Variants in SLC13A1 observed in about 807,000 individuals in gnomAD.
SLC13A1 encodes the protein solute carrier family 13 member 1, also known as Na(+)/sulfate cotransporter.
In SLC13A1, 65 loss-of-function variants were observed where a neutral mutation model predicts 70.0. The ratio of observed to expected loss-of-function variants is 0.93; its 90% CI spans 0.76 to 1.14. SLC13A1 has a LOEUF of 1.14. SLC13A1 is among the 50% of genes most tolerant of loss of function. SLC13A1 has a pLI of 0.00. For synonymous variants in SLC13A1, 275 were observed against 250.5 expected (o/e 1.10, Z -0.92); for missense variants, 726 against 717.8 (o/e 1.01, Z -0.13).
At chr7:123,127,838 ATTTTTTTTTTTT>A (rs201644707) in intron 10 of SLC13A1, among the ~76,000 whole-genome samples, 31,205 of 107,704 alleles carry the variant, frequency 0.29, 4,230 homozygotes, top group East Asian at 0.44. Context: ...CCAAAATACA[ATTTTTTTTTTTT>A]TTTTTTTTTT....
At chr7:123,156,278 A>G (rs2116471428) in intron 6 of SLC13A1, among the ~76,000 whole-genome samples, 1 of 152,248 alleles carries the variant, frequency 6.6e-6, no homozygotes, top group Non-Finnish European at 1.5e-5. Flanking sequence ...ATTATATTTG[A>G]AAGTCTATTT....
chr7:123,173,113 A>T (rs938116151), intron 2 of SLC13A1, among the ~76,000 whole-genome samples: 14 of 152,196 alleles, frequency 9.2e-5, no homozygotes, highest in Non-Finnish European at 2.1e-4. Context: ...AAAAAAATCA[A>T]ACAATAGCTA....
At chr7:123,186,979 GA>G (rs34081004) in intron 1 of SLC13A1, among the ~76,000 whole-genome samples, 30 of 143,210 alleles carry the variant, frequency 2.1e-4, no homozygotes, top group South Asian at 8.8e-4. Context: ...GAAAAGAGGG[GA>G]AAAAAAAAAG....
At chr7:123,178,965 T>C (rs563174962) in intron 2 of SLC13A1, among the ~76,000 whole-genome samples, 1 of 152,180 alleles carries the variant, frequency 6.6e-6, no homozygotes, top group South Asian at 2.1e-4. Context: ...ACTTACTATG[T>C]AATGAAATTT....
Position 123,169,186 on chromosome 7 carries a change from T to G in SLC13A1, c.515A>C (p.Tyr172Ser). Residue 172 changes from tyrosine (Y) to serine (S), a missense_variant, in exon 4 of 15, where the codon TAC (tyrosine) becomes TCC (serine). Transcript: ENST00000194130. ...EAEVEATQMT[Y>S]FNGSTNHGLE... ...TCCGTGGTTGGTTGATCCGTTGAAG[T>G]AAGTCATCTGAGTGGCCTCGACCTC... 1 of 1,614,068 alleles carries G rather than the reference T, an allele frequency of 6.2e-7. No individual in the cohort carries two copies. Among genetic ancestry groups the G allele is most frequent in the Non-Finnish European group, 8.5e-7 (1 of 1,179,974 alleles).
At chr7:123,146,294 G>A (rs1416390241) in intron 7 of SLC13A1, among the ~76,000 whole-genome samples, 1 of 152,124 alleles carries the variant, frequency 6.6e-6, no homozygotes, top group Non-Finnish European at 1.5e-5. Flanking sequence ...GGAGGCCAAG[G>A]CAGGTGGATC....
intron 6 of SLC13A1, among the ~76,000 whole-genome samples, chr7:123,164,580 C>G (rs560695062): frequency 6.6e-6 from 1 of 151,628 alleles, no homozygotes. Context: ...AAAGCTAAGC[C>G]TTTTATTTTA....
chr7:123,199,729 G>C (rs1796292126), intron 1 of SLC13A1, 119 bp downstream of exon 1: 1 of 682,316 alleles, frequency 1.5e-6, no homozygotes, highest in Non-Finnish European at 2.5e-6. Context: ...CCTGACTTTA[G>C]GTATGAAGGG....
At chr7:123,119,776 T>G (rs1585283191) in intron 12 of SLC13A1, among the ~76,000 whole-genome samples, 1 of 127,140 alleles carries the variant, frequency 7.9e-6, no homozygotes, top group South Asian at 2.6e-4. Context: ...TCTTACACCA[T>G]CTACCAAACA....
At position 123,147,150 on chromosome 7, in the gene SLC13A1, G is replaced by C. The variant is rs367662587; in HGVS notation, c.812+9C>G. 6.9e-5 allele frequency: 112 copies of C among 1,611,900 alleles called. No individual in the cohort carries two copies. Among genetic ancestry groups the C allele is most frequent in the Non-Finnish European group, 9.1e-5 (107 of 1,179,188 alleles). ...TATGTTAAATCACCAATCCAATAAG[G>C]TTACTTACGTATTGAAATACTCTGC... On this transcript the variant is annotated intron_variant, in intron 7 of 14. Transcript: ENST00000194130.
intron 2 of SLC13A1, among the ~76,000 whole-genome samples, chr7:123,175,783 A>G (rs28609557): frequency 0.05 from 7,634 of 152,292 alleles, 622 homozygotes; most frequent in African/African-American, 0.17. Context: ...AGAATTAAAT[A>G]AAAGAATAAA....
chr7:123,193,277 G>A (rs1234985743), intron 1 of SLC13A1, among the ~76,000 whole-genome samples: 2 of 151,112 alleles, frequency 1.3e-5, no homozygotes, highest in Non-Finnish European at 2.9e-5. Flanking sequence ...ACAACATTTG[G>A]AACTTTTTAA....
chr7:123,148,546 C>A (rs1023133714), intron 6 of SLC13A1: 2 of 427,606 alleles, frequency 4.7e-6, no homozygotes, highest in Non-Finnish European at 9.3e-6. Flanking sequence ...CCTGTAAACA[C>A]CCTTTGTTGG....
chr7:123,121,599 A>C (rs1793384329), intron 12 of SLC13A1, among the ~76,000 whole-genome samples: 1 of 152,106 alleles, frequency 6.6e-6, no homozygotes, highest in South Asian at 2.1e-4. Flanking sequence ...TAGGAGAGAA[A>C]ATTTCAAGAA....
chr7:123,144,682 A>G (rs905211331), intron 7 of SLC13A1, among the ~76,000 whole-genome samples: 3 of 152,146 alleles, frequency 2.0e-5, no homozygotes, highest in East Asian at 3.9e-4. Context: ...ACTTTAAAAC[A>G]ATTGTAGAAA....
chr7:123,152,888 T>C (rs773841926), intron 6 of SLC13A1, among the ~76,000 whole-genome samples: 1 of 152,112 alleles, frequency 6.6e-6, no homozygotes, highest in Non-Finnish European at 1.5e-5. Context: ...TTATGAGTCA[T>C]ACAAAGTGGC....
chr7:123,180,953 A>G lies in SLC13A1; in HGVS notation c.228+20T>C, dbSNP rs759864408. 2.9e-5 allele frequency: 46 copies of G among 1,598,938 alleles called. No individual in the cohort carries two copies. The South Asian group carries it at 4.8e-4, about 17-fold the overall frequency. On this transcript the variant is annotated intron_variant, in intron 2 of 14. Transcript: ENST00000194130. ...ATACAAAACAGGAAATCAACTTATGACATTGGCAAGAGGACTTACCTTCTT... is the reference window on the plus strand; with the variant it reads ...ATACAAAACAGGAAATCAACTTATGGCATTGGCAAGAGGACTTACCTTCTT...
intron 10 of SLC13A1, among the ~76,000 whole-genome samples, chr7:123,126,144 T>G (rs1793551940): frequency 6.6e-6 from 1 of 152,348 alleles, no homozygotes; most frequent in Non-Finnish European, 1.5e-5. Flanking sequence ...TCTAAAGCTC[T>G]TCTATAAATT....
chr7:123,154,770 C>A (rs1352420495), intron 6 of SLC13A1, among the ~76,000 whole-genome samples: 1 of 152,078 alleles, frequency 6.6e-6, no homozygotes, highest in Non-Finnish European at 1.5e-5. Flanking sequence ...TAATTCACAT[C>A]AATATTCTGC....
Sources: allele counts gnomAD v4.1 joint callset (sites outside exome capture counted in the v4.1 genomes callset), GRCh38; gene constraint gnomAD v4.1.1; transcripts MANE v1.5; gene names NCBI Gene and HGNC (gene_info 2026-07-23, HGNC 2026-07-21).